ZFTRAF1: variants seen among roughly 807,000 people sequenced by gnomAD.
ZFTRAF1 encodes zinc finger TRAF-type-containing protein 1.
chr8:144,452,331 G>A, the ZFTRAF1 span: 2 of 1,544,656 alleles, frequency 1.3e-6, no homozygotes, highest in African/African-American at 1.4e-5. Flanking sequence ...CACCTGTGTG[G>A]CATGCAGCAG....
chr8:144,458,873 G>A, the ZFTRAF1 span, among the ~76,000 whole-genome samples: 75 of 152,244 alleles, frequency 4.9e-4, 1 homozygote, highest in African/African-American at 1.7e-3. Flanking sequence ...CCGAGTTAGA[G>A]GGAGCGGCTG....
At chr8:144,452,999 A>T in the ZFTRAF1 span, among the ~76,000 whole-genome samples, 1 of 152,322 alleles carries the variant, frequency 6.6e-6, no homozygotes, top group South Asian at 2.1e-4. Context: ...AGAGCACTGG[A>T]AGGCTAGGCT....
the ZFTRAF1 span, among the ~76,000 whole-genome samples, chr8:144,459,506 A>C: frequency 6.6e-6 from 1 of 152,258 alleles, no homozygotes; most frequent in South Asian, 2.1e-4. Context: ...TCTGACACCC[A>C]AGCAGGTTTC....
At chr8:144,452,189 G>A in the ZFTRAF1 span, 13 of 786,830 alleles carry the variant, frequency 1.7e-5, no homozygotes, top group Middle Eastern at 2.2e-4. Context: ...CTCAGTCTCC[G>A]GCCTGTCTTC....
chr8:144,462,382 CGCCGCCGCCTCG>C, the ZFTRAF1 span: 1 of 471,172 alleles, frequency 2.1e-6, no homozygotes, highest in Non-Finnish European at 3.8e-6. Flanking sequence ...CCGCCGCCGC[CGCCGCCGCCTCG>C]GCCGCCTCGG....
chr8:144,462,193 C>G, the ZFTRAF1 span: 1 of 445,750 alleles, frequency 2.2e-6, no homozygotes, highest in South Asian at 3.0e-5. Context: ...CCCCGCAGGC[C>G]TGGCCTCCGA....
At chr8:144,453,143 C>A in the ZFTRAF1 span, 7 of 1,314,508 alleles carry the variant, frequency 5.3e-6, no homozygotes, top group East Asian at 1.0e-4. Context: ...CCACCCTGCA[C>A]AGGGCCCTGC....
chr8:144,452,312 C>G, the ZFTRAF1 span: 1 of 1,539,790 alleles, frequency 6.5e-7, no homozygotes, highest in Non-Finnish European at 8.7e-7. Context: ...CTGCCAGCCC[C>G]CCAACCCACA....
the ZFTRAF1 span, chr8:144,451,806 G>C: frequency 5.2e-6 from 1 of 191,366 alleles, no homozygotes; most frequent in Admixed American, 5.3e-5. Context: ...CAGCCTGGGC[G>C]TCTGTGGGTG....
chr8:144,456,164 A>G, the ZFTRAF1 span: 1 of 152,602 alleles, frequency 6.6e-6, no homozygotes, highest in African/African-American at 2.4e-5. Context: ...TAGCCAAGGG[A>G]CACAGCCACA....
chr8:144,462,800 C>A, the ZFTRAF1 span: 1 of 152,008 alleles, frequency 6.6e-6, no homozygotes, highest in South Asian at 1.8e-4. Context: ...GGGCCCGGCC[C>A]GCGCGTAGCC....
chr8:144,461,031 G>A, the ZFTRAF1 span, among the ~76,000 whole-genome samples: 182 of 152,236 alleles, frequency 1.2e-3, 1 homozygote, highest in Non-Finnish European at 2.3e-3. Flanking sequence ...TCTGAAAAGT[G>A]CTCCCCTAGC....
At chr8:144,450,855 G>T in the ZFTRAF1 span, 3 of 613,976 alleles carry the variant, frequency 4.9e-6, no homozygotes, top group Non-Finnish European at 9.0e-6. Context: ...CAGGCCGAGG[G>T]CAGGCTCAGC....
At chr8:144,458,444 G>A in the ZFTRAF1 span, among the ~76,000 whole-genome samples, 4,883 of 152,298 alleles carry the variant, frequency 0.032, 257 homozygotes, top group African/African-American at 0.11. Context: ...CTCAAAGAAC[G>A]AGTCAGCTGC....
the ZFTRAF1 span, chr8:144,450,114 C>G: frequency 2.1e-6 from 1 of 472,404 alleles, no homozygotes; most frequent in Non-Finnish European, 3.9e-6. Flanking sequence ...CTCTGAGCCT[C>G]GGGGCGCCTG....
the ZFTRAF1 span, among the ~76,000 whole-genome samples, chr8:144,461,535 C>T: frequency 3.3e-5 from 5 of 152,160 alleles, no homozygotes; most frequent in Admixed American, 2.0e-4. Context: ...AGGGGTGGGC[C>T]GGCTCCTGGA....
chr8:144,459,599 C>T, the ZFTRAF1 span, among the ~76,000 whole-genome samples: 1 of 152,228 alleles, frequency 6.6e-6, no homozygotes, highest in Non-Finnish European at 1.5e-5. Context: ...CCTGGGGCAC[C>T]ACCCGAGGCT....
At chr8:144,461,087 C>T in the ZFTRAF1 span, among the ~76,000 whole-genome samples, 1 of 152,108 alleles carries the variant, frequency 6.6e-6, no homozygotes, top group African/African-American at 2.4e-5. Flanking sequence ...GAGCCAGTGC[C>T]CTCTCCCCAC....
chr8:144,458,263 G>C, the ZFTRAF1 span, among the ~76,000 whole-genome samples: 1 of 152,164 alleles, frequency 6.6e-6, no homozygotes, highest in Non-Finnish European at 1.5e-5. Context: ...CCCCAGAGTC[G>C]GGCCCACATT....
Sources: allele counts gnomAD v4.1 joint callset (sites outside exome capture counted in the v4.1 genomes callset), GRCh38; gene constraint gnomAD v4.1.1; transcripts MANE v1.5; gene names NCBI Gene and HGNC (gene_info 2026-07-23, HGNC 2026-07-21).